The following TMEM175 variants were observed in gnomAD, a reference collection of about 807,000 sequenced individuals.
The protein encoded by TMEM175 is transmembrane protein 175.
A neutral mutation model predicts 36.5 loss-of-function variants in TMEM175; 36 were observed. The observed-to-expected ratio is 0.99, with a 90% CI of 0.76 to 1.30. TMEM175 has a LOEUF of 1.30. TMEM175 is among the 50% of genes most tolerant of loss of function. The pLI, the probability that TMEM175 is intolerant of heterozygous loss-of-function variation, is 0.00. For synonymous variants in TMEM175, 339 were observed against 313.4 expected, an observed-to-expected ratio of 1.08 and a Z score of -0.86; for missense variants, 705 against 692.8, an observed-to-expected ratio of 1.02 and a Z score of -0.20.
At chr4:944,828 CGGT>C (rs958096444) in intron 1 of TMEM175, among the ~76,000 whole-genome samples, 6 of 152,152 alleles carry the variant, frequency 3.9e-5, no homozygotes, top group Non-Finnish European at 8.8e-5. Context: ...GGGCTGGCTG[CGGT>C]GGCTCTCGCC....
intron 1 of TMEM175, among the ~76,000 whole-genome samples, chr4:938,046 T>C (rs1726994690): frequency 6.6e-6 from 1 of 151,084 alleles, no homozygotes; most frequent in African/African-American, 2.4e-5. Flanking sequence ...TTCCTCAGTA[T>C]AGTAAGGGCA....
At chr4:949,345 T>A (rs2153001389) in intron 3 of TMEM175, among the ~76,000 whole-genome samples, 1 of 152,324 alleles carries the variant, frequency 6.6e-6, no homozygotes. Context: ...TCTGTTGTCC[T>A]AACTGGGTCA....
intron 8 of TMEM175, 82 bp from the exon 9 acceptor site, chr4:955,323 C>T (rs981681366): frequency 4.6e-5 from 52 of 1,126,364 alleles, no homozygotes; most frequent in Non-Finnish European, 6.7e-5. Flanking sequence ...GCAGCCCCTG[C>T]TTTGGCACAC....
chr4:933,091 A>G (rs1577368228), intron 1 of TMEM175, among the ~76,000 whole-genome samples: 1 of 152,364 alleles, frequency 6.6e-6, no homozygotes, highest in East Asian at 1.9e-4. Context: ...TTGGAGATGA[A>G]ATGGTGACTT....
At chr4:952,346 G>GT (rs1179897087) in intron 6 of TMEM175, 21 bp from the exon 7 acceptor site, 1 of 1,608,772 alleles carries the variant, frequency 6.2e-7, no homozygotes, top group Non-Finnish European at 8.5e-7. Context: ...GGGGGGTTTG[G>GT]TTTTGTTTTT....
Position 941,394 on chromosome 4 carries a change from AAAG to A in TMEM175, c.-31-6312_-31-6310del, listed in dbSNP as rs1220255098. Among the ~76,000 whole-genome samples the A allele has an allele frequency of 3.4e-4, 48 of 141,262 alleles. No homozygotes were observed. In the Middle Eastern group the frequency reaches 0.011, roughly 32 times the overall value. 92.7% of individuals were successfully genotyped at this position (141,262 alleles called of 152,430 possible). A position where few individuals can be genotyped will look rare whatever the true frequency, so the allele number is the denominator to read the frequency against. ...TCTGTCTCAAAAAAAAAAAAAAAAA[AAAG>A]AAACAAAACAAAAAAAACTCTGTAC... On this transcript the variant is annotated intron_variant, in intron 1 of 10. Transcript: ENST00000264771.
chr4:934,826 A>G (rs1726615597), intron 1 of TMEM175, among the ~76,000 whole-genome samples: 2 of 152,240 alleles, frequency 1.3e-5, no homozygotes, highest in African/African-American at 4.8e-5. Flanking sequence ...GAATGACATC[A>G]AGAGCATAGG....
At chr4:940,974 C>G (rs1727378242) in intron 1 of TMEM175, among the ~76,000 whole-genome samples, 2 of 149,548 alleles carry the variant, frequency 1.3e-5, no homozygotes, top group African/African-American at 4.9e-5. Context: ...CCACTGCACT[C>G]CAGCCTGGGT....
chr4:937,157 T>G (rs1260017254), intron 1 of TMEM175, among the ~76,000 whole-genome samples: 1 of 152,148 alleles, frequency 6.6e-6, no homozygotes, highest in Admixed American at 6.5e-5. Flanking sequence ...ACACCTACTA[T>G]ATACCTATAA....
intron 1 of TMEM175, among the ~76,000 whole-genome samples, chr4:938,899 T>C (rs988789718): frequency 6.6e-6 from 1 of 152,228 alleles, no homozygotes; most frequent in Non-Finnish European, 1.5e-5. Flanking sequence ...AAAATTTACT[T>C]GGCTCTGCAA....
chr4:947,022 G>GGAAC (rs1728241057), intron 1 of TMEM175, among the ~76,000 whole-genome samples: 1 of 146,396 alleles, frequency 6.8e-6, no homozygotes, highest in African/African-American at 2.5e-5. Flanking sequence ...GCCCCTGTAG[G>GGAAC]AGACAGCCCC....
At position 958,331 on chromosome 4, in the gene TMEM175, C is replaced by T. The variant is rs1711525304; in HGVS notation, c.1350C>T (p.Leu450=). The change falls in exon 11 of 11, where the codon CTC becomes CTT. Residue 450 remains leucine (L), a synonymous_variant. Coordinates refer to ENST00000264771, the MANE Select transcript of TMEM175 (RefSeq NM_032326.4). The part of the protein sequence containing the change: ...LSRFSVGIFH[L]MQIAVPCAFL... ...GGTTCAGTGTGGGCATCTTCCACCTCATGCAGATCGCCGTGCCCTGCGCCT... is the reference window on the plus strand; with the variant it reads ...GGTTCAGTGTGGGCATCTTCCACCTTATGCAGATCGCCGTGCCCTGCGCCT... 6.2e-7 allele frequency: 1 copy of T among 1,605,114 alleles called. No homozygotes were observed. The highest frequency in any genetic ancestry group is 8.5e-7 in the Non-Finnish European group (1 of 1,179,836).
intron 1 of TMEM175, among the ~76,000 whole-genome samples, chr4:933,566 A>G (rs1374744026): frequency 6.6e-6 from 1 of 152,176 alleles, no homozygotes; most frequent in African/African-American, 2.4e-5. Context: ...ACCTGTCAAT[A>G]TTGGACCCAA....
rs368224007 is a variant in TMEM175, at chr4:957,825, G to A, written c.844G>A (p.Glu282Lys). Residue 282 changes from glutamate to lysine, a missense_variant and splice_region_variant, in exon 11 of 11, where the codon GAA (glutamate) becomes AAA (lysine). Transcript: ENST00000264771. ...VATLLILDIC[E>K]DNVPDPKDVK... ...AATGCATCTATTCACTGTTCTCAGC[G>A]AAGACAACGTCCCGGACCCCAAGGA... is the stretch of plus-strand genomic sequence containing the variant. 10 of 1,603,914 alleles carry A rather than the reference G, an allele frequency of 6.2e-6. No individual in the cohort carries two copies. Among genetic ancestry groups the A allele is most frequent in the South Asian group, 2.2e-5 (2 of 89,772 alleles).
chr4:940,534 T>A (rs1727321378), intron 1 of TMEM175, among the ~76,000 whole-genome samples: 1 of 151,994 alleles, frequency 6.6e-6, no homozygotes, highest in African/African-American at 2.4e-5. Flanking sequence ...TTAGGGTGTT[T>A]AAACTATTCT....
intron 1 of TMEM175, among the ~76,000 whole-genome samples, chr4:935,881 A>AT (rs1726724379): frequency 1.3e-5 from 2 of 152,182 alleles, no homozygotes; most frequent in African/African-American, 4.8e-5. Context: ...TTTTTTGTAT[A>AT]TTTTTTCAAC....
At chr4:936,312 A>G in intron 1 of TMEM175, among the ~76,000 whole-genome samples, 1 of 152,042 alleles carries the variant, frequency 6.6e-6, no homozygotes. Context: ...GTCACAAAAA[A>G]AAAAAAAAGG....
chr4:943,625 G>A (rs1727783594), intron 1 of TMEM175, among the ~76,000 whole-genome samples: 1 of 152,200 alleles, frequency 6.6e-6, no homozygotes, highest in Non-Finnish European at 1.5e-5. Context: ...GCCTGTCGGT[G>A]GGAATGCAGA....
chr4:955,993 T>G, intron 10 of TMEM175, 103 bp downstream of exon 10: 15 of 1,394,288 alleles, frequency 1.1e-5, no homozygotes, highest in Non-Finnish European at 1.5e-5. Context: ...GGGTCTTGGC[T>G]CCACCCTCCT....
Sources: allele counts gnomAD v4.1 joint callset (sites outside exome capture counted in the v4.1 genomes callset), GRCh38; gene constraint gnomAD v4.1.1; transcripts MANE v1.5; gene names NCBI Gene and HGNC (gene_info 2026-07-23, HGNC 2026-07-21).